Variants in EAF2 observed in about 807,000 individuals in gnomAD.
The protein encoded by EAF2 is ELL associated factor 2.
Under a neutral mutation model 29.4 loss-of-function variants are expected in EAF2, and 29 were observed. The observed-to-expected ratio is 0.99, with a 90% CI of 0.73 to 1.35. The LOEUF (loss-of-function observed/expected upper bound fraction) is 1.35. Among genes scored for constraint, EAF2 ranks in the 40% most tolerant of loss-of-function variants. EAF2 has a pLI of 0.00. For synonymous variants in EAF2, 103 were observed against 102.5 expected, an observed-to-expected ratio of 1.00 and a Z score of -0.03; for missense variants, 292 against 312.0, an observed-to-expected ratio of 0.94 and a Z score of 0.48.
intron 2 of EAF2, among the ~76,000 whole-genome samples, chr3:121,849,364 A>G (rs568918406): frequency 5.3e-4 from 80 of 152,210 alleles, no homozygotes; most frequent in Non-Finnish European, 2.6e-4. Context: ...CTGGTTAAAT[A>G]GTGGGCATTT....
At chr3:121,877,561 T>G (rs1042947029) in intron 5 of EAF2, among the ~76,000 whole-genome samples, 3 of 151,898 alleles carry the variant, frequency 2.0e-5, no homozygotes, top group African/African-American at 7.2e-5. Flanking sequence ...TACTTTAAAA[T>G]AAGTTTAGAC....
chr3:121,852,397 A>G (rs1708648805), intron 2 of EAF2, among the ~76,000 whole-genome samples: 1 of 152,198 alleles, frequency 6.6e-6, no homozygotes. Flanking sequence ...TTGTTTGGTT[A>G]TAATCATGCT....
intron 5 of EAF2, among the ~76,000 whole-genome samples, chr3:121,877,535 A>G: frequency 6.6e-6 from 1 of 151,938 alleles, no homozygotes; most frequent in East Asian, 1.9e-4. Flanking sequence ...ATATGAAAAT[A>G]TAAATAAATA....
intron 4 of EAF2, among the ~76,000 whole-genome samples, chr3:121,867,211 A>G: frequency 6.6e-6 from 1 of 152,236 alleles, no homozygotes; most frequent in Non-Finnish European, 1.5e-5. Context: ...GAAGAGGGAG[A>G]GCAGGGTTAA....
chr3:121,862,546 C>G (rs936650474), intron 4 of EAF2, among the ~76,000 whole-genome samples: 4 of 152,160 alleles, frequency 2.6e-5, no homozygotes, highest in African/African-American at 9.7e-5. Flanking sequence ...CTTCTCTATG[C>G]TGTTTATTCT....
chr3:121,874,246 AAAG>A (rs911038039), intron 5 of EAF2, among the ~76,000 whole-genome samples: 10 of 152,038 alleles, frequency 6.6e-5, no homozygotes, highest in Admixed American at 2.0e-4. Context: ...TAATAGAACT[AAAG>A]AAGGGAGAAG....
chr3:121,844,569 A>C, intron 2 of EAF2, 22 bp downstream of exon 2: 1 of 1,452,284 alleles, frequency 6.9e-7, no homozygotes, highest in Admixed American at 1.9e-5. Context: ...TGTATCTTTA[A>C]AGTGATCACT....
At chr3:121,861,577 A>T (rs1026976108) in intron 4 of EAF2, among the ~76,000 whole-genome samples, 4 of 151,882 alleles carry the variant, frequency 2.6e-5, no homozygotes, top group African/African-American at 9.7e-5. Flanking sequence ...TGCATGTGAG[A>T]TGTGTCTCCT....
chr3:121,882,348 CAAAAA>C (rs56339909), intron 5 of EAF2, among the ~76,000 whole-genome samples: 2 of 135,818 alleles, frequency 1.5e-5, no homozygotes, highest in Admixed American at 7.3e-5. Context: ...GACTCTGTCT[CAAAAA>C]AAAAAAAAAA....
chr3:121,835,272 G>A lies in EAF2; in HGVS notation c.-14G>A. Reference sequence around the variant, plus strand: ...CGCTGGTGGCGGAGTTAAAGTCAAAGCAGGAGAGTAATTATGAATAGCGCA... The same window carrying A: ...CGCTGGTGGCGGAGTTAAAGTCAAAACAGGAGAGTAATTATGAATAGCGCA... On this transcript the variant is annotated 5_prime_UTR_variant, in exon 1 of 6. Transcript: ENST00000273668. 6.2e-7 allele frequency: 1 copy of A among 1,613,620 alleles called. No homozygotes were observed. Among genetic ancestry groups the A allele is most frequent in the South Asian group, 1.1e-5 (1 of 91,080 alleles).
intron 2 of EAF2, among the ~76,000 whole-genome samples, chr3:121,847,997 C>T (rs2877539): frequency 0.033 from 4,960 of 152,230 alleles, 347 homozygotes; most frequent in Admixed American, 0.18. Flanking sequence ...ATGATAACCA[C>T]AGGTCTATAT....
At chr3:121,867,348 A>T (rs1238040044) in intron 4 of EAF2, among the ~76,000 whole-genome samples, 1 of 152,242 alleles carries the variant, frequency 6.6e-6, no homozygotes, top group Non-Finnish European at 1.5e-5. Context: ...AAGGTACATC[A>T]TAATGAAACA....
intron 5 of EAF2, among the ~76,000 whole-genome samples, chr3:121,880,303 A>G (rs1709171363): frequency 1.5e-5 from 1 of 65,770 alleles, no homozygotes; most frequent in South Asian, 5.3e-4. Flanking sequence ...CCACCATGCC[A>G]GCTAATTTTT....
At chr3:121,874,561 A>G (rs906484561) in intron 5 of EAF2, among the ~76,000 whole-genome samples, 2 of 151,934 alleles carry the variant, frequency 1.3e-5, no homozygotes, top group Non-Finnish European at 1.5e-5. Context: ...TTAGCTATGT[A>G]ACTAATAACA....
At chr3:121,874,064 A>C (rs1200245009) in intron 5 of EAF2, among the ~76,000 whole-genome samples, 1 of 151,888 alleles carries the variant, frequency 6.6e-6, no homozygotes, top group African/African-American at 2.4e-5. Context: ...TGCACTTAGC[A>C]CATGGTACTT....
intron 5 of EAF2, among the ~76,000 whole-genome samples, chr3:121,876,362 G>A (rs1016758660): frequency 6.6e-6 from 1 of 151,602 alleles, no homozygotes; most frequent in African/African-American, 2.4e-5. Context: ...GTAGAATTTA[G>A]CAAATGTATT....
At position 121,835,328 on chromosome 3, in the gene EAF2, C is replaced by T. The variant is rs570523602; in HGVS notation, c.43C>T (p.Arg15Trp). ...AGFSHLDRRE[R>W]VLKLGESFEK... The stretch of plus-strand genomic sequence containing the variant: ...ATTCTCACACCTAGACCGTCGCGAG[C>T]GGGTTCTCAAGTTAGGGGAGAGTTT... The change falls in exon 1 of 6, where the codon CGG becomes TGG. Residue 15 changes from arginine to tryptophan, a missense_variant. Coordinates refer to ENST00000273668, the MANE Select transcript of EAF2 (RefSeq NM_018456.6). 1.9e-6 allele frequency: 3 copies of T among 1,614,214 alleles called. No homozygotes were observed. The highest frequency in any genetic ancestry group is 1.3e-5 in the African/African-American group (1 of 75,052).
intron 1 of EAF2, among the ~76,000 whole-genome samples, chr3:121,840,506 A>AC (rs1708396240): frequency 3.1e-5 from 2 of 64,154 alleles, no homozygotes; most frequent in Admixed American, 1.2e-4. Flanking sequence ...AAAAAAAAAA[A>AC]AAGAAAAAAA....
intron 1 of EAF2, among the ~76,000 whole-genome samples, chr3:121,842,053 A>G (rs1196480948): frequency 6.6e-6 from 1 of 151,682 alleles, no homozygotes; most frequent in Non-Finnish European, 1.5e-5. Context: ...GTGTGGTGTC[A>G]TGTGCCTGTA....
Sources: gnomAD v4.1 joint callset for allele counts (sites outside exome capture counted in the v4.1 genomes callset) on GRCh38, gnomAD v4.1.1 for gene constraint, MANE v1.5 for transcripts, NCBI Gene and HGNC (gene_info 2026-07-23, HGNC 2026-07-21) for gene names.